NBAS: variants seen among roughly 807,000 people sequenced by gnomAD.
NBAS encodes the protein NAG/BC035112 fusion.
In NBAS, 219 loss-of-function variants were observed where a neutral mutation model predicts 302.5. The ratio of observed to expected loss-of-function variants is 0.72; its 90% CI spans 0.65 to 0.81. The LOEUF (loss-of-function observed/expected upper bound fraction) is 0.81, where lower values mean the gene tolerates loss of function less well. NBAS is among the 30% of genes least tolerant of loss of function. The pLI is 0.00. For synonymous variants in NBAS, 1,118 were observed against 1,021.6 expected, an observed-to-expected ratio of 1.09 and a Z score of -1.80; for missense variants, 2,932 against 2,841.6, an observed-to-expected ratio of 1.03 and a Z score of -0.72.
chr2:14,972,110 C>G, the NBAS span, among the ~76,000 whole-genome samples: 1 of 152,138 alleles, frequency 6.6e-6, no homozygotes, highest in East Asian at 1.9e-4. Flanking sequence ...CCATGGAATA[C>G]TACGCAGCCA....
chr2:15,418,717 G>A (rs1677063656), intron 23 of NBAS, among the ~76,000 whole-genome samples: 1 of 152,162 alleles, frequency 6.6e-6, no homozygotes, highest in Non-Finnish European at 1.5e-5. Context: ...TTATGGGAAG[G>A]AGAGCAGCAT....
chr2:15,242,540 A>C (rs1163191422), intron 44 of NBAS, among the ~76,000 whole-genome samples: 2 of 152,136 alleles, frequency 1.3e-5, no homozygotes, highest in Non-Finnish European at 2.9e-5. Context: ...ATATATGTTT[A>C]ACACTGAATT....
chr2:15,029,350 C>A, the NBAS span, among the ~76,000 whole-genome samples: 1 of 152,180 alleles, frequency 6.6e-6, no homozygotes, highest in African/African-American at 2.4e-5. Flanking sequence ...CATTATAAAT[C>A]TTATCCTGAA....
the NBAS span, among the ~76,000 whole-genome samples, chr2:14,947,820 A>T: frequency 1.3e-5 from 2 of 151,744 alleles, no homozygotes; most frequent in Admixed American, 6.6e-5. Flanking sequence ...GTTTTTTTTT[A>T]ATCATAAAGG....
intron 21 of NBAS, among the ~76,000 whole-genome samples, chr2:15,440,886 A>G (rs546786465): frequency 3.3e-5 from 5 of 152,094 alleles, no homozygotes; most frequent in Admixed American, 6.6e-5. Context: ...CGATGCGATC[A>G]ACTGGAAGAA....
chr2:15,194,447 C>G (rs1267041253), intron 48 of NBAS, among the ~76,000 whole-genome samples: 1 of 152,048 alleles, frequency 6.6e-6, no homozygotes, highest in East Asian at 1.9e-4. Context: ...AATTCTTTAT[C>G]TGGCAAAGCT....
At chr2:15,060,286 G>C in the NBAS span, among the ~76,000 whole-genome samples, 6 of 152,300 alleles carry the variant, frequency 3.9e-5, no homozygotes, top group African/African-American at 1.4e-4. Context: ...CCGCTTGGCA[G>C]CAGCTCCTCC....
At chr2:15,469,658 T>TA (rs1415143491) in intron 16 of NBAS, among the ~76,000 whole-genome samples, 3 of 151,966 alleles carry the variant, frequency 2.0e-5, no homozygotes, top group South Asian at 2.1e-4. Flanking sequence ...TATGCAGCCA[T>TA]AAAAAAGGAT....
chr2:15,107,917 G>A, the NBAS span, among the ~76,000 whole-genome samples: 21 of 152,058 alleles, frequency 1.4e-4, no homozygotes, highest in Non-Finnish European at 2.6e-4. Context: ...CATTCCTAGC[G>A]TTTCCTATGG....
At chr2:15,107,923 T>C in the NBAS span, among the ~76,000 whole-genome samples, 1 of 152,162 alleles carries the variant, frequency 6.6e-6, no homozygotes, top group Non-Finnish European at 1.5e-5. Flanking sequence ...TAGCGTTTCC[T>C]ATGGAATCAT....
chr2:14,829,087 G>A, the NBAS span, among the ~76,000 whole-genome samples: 15 of 151,446 alleles, frequency 9.9e-5, 1 homozygote, highest in African/African-American at 2.9e-4. Flanking sequence ...CCTGAGGAAG[G>A]CAGAGGTCTT....
chr2:15,288,714 T>A (rs879507141), intron 41 of NBAS, among the ~76,000 whole-genome samples: 2 of 152,232 alleles, frequency 1.3e-5, no homozygotes, highest in African/African-American at 4.8e-5. Flanking sequence ...ATGGAATTTT[T>A]AGTTGGAAGA....
At chr2:14,851,822 AC>A in the NBAS span, among the ~76,000 whole-genome samples, 1 of 20,412 alleles carries the variant, frequency 4.9e-5, no homozygotes, top group Non-Finnish European at 7.6e-5. Flanking sequence ...AGAGCCAAAG[AC>A]AAAAACCACA....
rs1275195270 is a variant in NBAS, at chr2:15,531,117, C to T, written c.746+3426G>A. Among the ~76,000 whole-genome samples, 3 of 152,118 alleles carry T rather than the reference C, an allele frequency of 2.0e-5. No individual in the cohort carries two copies. In the East Asian group the frequency reaches 5.8e-4, roughly 29 times the overall value. ...CATGAAGATAAAATAAAGCCATTTTCAGATATGCAGGGCTTCAAAAAAATA... is the reference window on the plus strand; with the variant it reads ...CATGAAGATAAAATAAAGCCATTTTTAGATATGCAGGGCTTCAAAAAAATA... On this transcript the variant is annotated intron_variant, in intron 9 of 51. Coordinates refer to ENST00000281513, the MANE Select transcript of NBAS (RefSeq NM_015909.4).
chr2:14,999,575 C>T, the NBAS span, among the ~76,000 whole-genome samples: 24 of 152,146 alleles, frequency 1.6e-4, no homozygotes, highest in Admixed American at 7.9e-4. Flanking sequence ...CTCTCTCCTG[C>T]TCCACCATGG....
the NBAS span, among the ~76,000 whole-genome samples, chr2:14,808,319 A>G: frequency 2.6e-5 from 4 of 152,248 alleles, no homozygotes; most frequent in Non-Finnish European, 5.9e-5. Flanking sequence ...GGCATGGTGA[A>G]TATCATTCTG....
At chr2:15,025,457 G>C in the NBAS span, among the ~76,000 whole-genome samples, 2 of 152,024 alleles carry the variant, frequency 1.3e-5, no homozygotes, top group African/African-American at 2.4e-5. Flanking sequence ...GGCTTTTTTT[G>C]TTCCATATGA....
At chr2:14,865,619 A>C in the NBAS span, among the ~76,000 whole-genome samples, 1 of 152,236 alleles carries the variant, frequency 6.6e-6, no homozygotes, top group Non-Finnish European at 1.5e-5. Flanking sequence ...TATGCCCAGC[A>C]AGTATATTAA....
At chr2:15,398,258 C>T (rs924986146) in intron 26 of NBAS, among the ~76,000 whole-genome samples, 5 of 152,092 alleles carry the variant, frequency 3.3e-5, no homozygotes, top group Non-Finnish European at 1.5e-5. Flanking sequence ...ATCCTCCTGG[C>T]TCAGCCTTCC....
Sources: allele counts gnomAD v4.1 joint callset (sites outside exome capture counted in the v4.1 genomes callset), GRCh38; gene constraint gnomAD v4.1.1; transcripts MANE v1.5; gene names NCBI Gene and HGNC (gene_info 2026-07-23, HGNC 2026-07-21).